The following DNER variants were observed in gnomAD, a reference collection of about 807,000 sequenced individuals.
The protein encoded by DNER is delta and Notch-like epidermal growth factor-related receptor.
A neutral mutation model predicts 78.2 loss-of-function variants in DNER; 33 were observed. The observed-to-expected ratio is 0.42, with a 90% CI of 0.32 to 0.56. The LOEUF (loss-of-function observed/expected upper bound fraction) is 0.56, where lower values mean the gene tolerates loss of function less well. Ranked by LOEUF, DNER falls within the 20% of genes least tolerant of loss-of-function variation. The pLI is 0.11. For synonymous variants in DNER, 417 were observed against 384.8 expected (o/e 1.08, Z -0.98); for missense variants, 918 against 975.3 (o/e 0.94, Z 0.78).
At chr2:229,595,522 T>C (rs1404037508) in intron 1 of DNER, among the ~76,000 whole-genome samples, 1 of 152,176 alleles carries the variant, frequency 6.6e-6, no homozygotes, top group African/African-American at 2.4e-5. Flanking sequence ...CCTCAGGTGA[T>C]CCACCTGCCT....
At chr2:229,501,084 A>G (rs2154211957) in intron 6 of DNER, among the ~76,000 whole-genome samples, 1 of 152,234 alleles carries the variant, frequency 6.6e-6, no homozygotes, top group South Asian at 2.1e-4. Flanking sequence ...ACTCTCAAAT[A>G]GGCAAACTCA....
At chr2:229,475,907 C>A (rs1695025938) in intron 7 of DNER, among the ~76,000 whole-genome samples, 1 of 152,188 alleles carries the variant, frequency 6.6e-6, no homozygotes, top group African/African-American at 2.4e-5. Context: ...TAGGTGGCGA[C>A]TGACTAACCA....
At chr2:229,617,041 C>T (rs1698178393) in intron 1 of DNER, among the ~76,000 whole-genome samples, 1 of 152,180 alleles carries the variant, frequency 6.6e-6, no homozygotes, top group Non-Finnish European at 1.5e-5. Context: ...GGGATTTCAA[C>T]CTTGCATTGA....
chr2:229,525,216 T>C (rs951401155), intron 5 of DNER, among the ~76,000 whole-genome samples: 2 of 152,250 alleles, frequency 1.3e-5, no homozygotes, highest in Non-Finnish European at 2.9e-5. Flanking sequence ...TTCACTTTCC[T>C]AGTCAACCTA....
At chr2:229,633,110 A>T (rs543600142) in intron 1 of DNER, among the ~76,000 whole-genome samples, 29 of 152,354 alleles carry the variant, frequency 1.9e-4, no homozygotes, top group South Asian at 1.0e-3. Context: ...CTTTAATTTC[A>T]TAAGAGAAAA....
At chr2:229,563,409 A>C (rs1326741916) in intron 4 of DNER, among the ~76,000 whole-genome samples, 6 of 124,582 alleles carry the variant, frequency 4.8e-5, no homozygotes, top group African/African-American at 6.3e-5. Context: ...TCATCACCCC[A>C]TCGCCATCAT....
chr2:229,422,834 A>G lies in DNER; in HGVS notation c.1487-4604T>C, dbSNP rs548857777. ...AAGGTCAGACCACATGGGCAGGTGG[A>G]GAACAAAGAGCCAGATCAAGACACT... On this transcript the variant is annotated intron_variant, in intron 8 of 12. Coordinates refer to ENST00000341772, the MANE Select transcript of DNER (RefSeq NM_139072.4). 1.1e-4 allele frequency among the ~76,000 whole-genome samples: 16 copies of G among 152,336 alleles called. No individual in the cohort carries two copies. In the South Asian group the frequency reaches 3.3e-3, roughly 32 times the overall value.
intron 5 of DNER, among the ~76,000 whole-genome samples, chr2:229,517,378 G>C (rs991189668): frequency 1.3e-5 from 2 of 152,198 alleles, no homozygotes; most frequent in African/African-American, 4.8e-5. Context: ...GGGAAAAACG[G>C]AGACAGGGAA....
chr2:229,536,581 A>C (rs943553670), intron 5 of DNER, among the ~76,000 whole-genome samples: 1 of 152,114 alleles, frequency 6.6e-6, no homozygotes, highest in African/African-American at 2.4e-5. Flanking sequence ...GAAAAATAGG[A>C]CAAAGGTATA....
intron 4 of DNER, among the ~76,000 whole-genome samples, 164 bp downstream of exon 4, chr2:229,585,694 T>A (rs1697482875): frequency 6.6e-6 from 1 of 151,972 alleles, no homozygotes; most frequent in Non-Finnish European, 1.5e-5. Flanking sequence ...AAATATTATG[T>A]TAGAATCCAG....
intron 1 of DNER, among the ~76,000 whole-genome samples, chr2:229,653,635 T>A (rs766879663): frequency 6.6e-6 from 1 of 152,188 alleles, no homozygotes; most frequent in Non-Finnish European, 1.5e-5. Flanking sequence ...TGAGAAAATA[T>A]TAACTGGGGC....
intron 9 of DNER, among the ~76,000 whole-genome samples, chr2:229,413,991 G>A (rs1454345858): frequency 6.6e-6 from 1 of 151,648 alleles, no homozygotes; most frequent in Non-Finnish European, 1.5e-5. Context: ...ATATATATTG[G>A]CAAAAATATT....
chr2:229,609,564 G>A (rs189949377), intron 1 of DNER, among the ~76,000 whole-genome samples: 1 of 152,262 alleles, frequency 6.6e-6, no homozygotes, highest in Non-Finnish European at 1.5e-5. Flanking sequence ...TTGCCACAGA[G>A]ACCTTGTAGC....
At chr2:229,447,745 T>C (rs1193095144) in intron 7 of DNER, among the ~76,000 whole-genome samples, 1 of 152,198 alleles carries the variant, frequency 6.6e-6, no homozygotes, top group Non-Finnish European at 1.5e-5. Context: ...AATTCCATTT[T>C]TATTGAAATA....
At chr2:229,611,385 T>C (rs187889413) in intron 1 of DNER, among the ~76,000 whole-genome samples, 1 of 152,316 alleles carries the variant, frequency 6.6e-6, no homozygotes, top group African/African-American at 2.4e-5. Context: ...CTGGCTTACA[T>C]GAAAACAGTT....
intron 8 of DNER, among the ~76,000 whole-genome samples, chr2:229,421,220 G>A (rs757053658): frequency 6.6e-5 from 10 of 152,068 alleles, no homozygotes; most frequent in Non-Finnish European, 1.2e-4. Flanking sequence ...TTTTAAAATA[G>A]TCAAACTCAC....
At chr2:229,515,352 A>C (rs1189233271) in intron 5 of DNER, among the ~76,000 whole-genome samples, 1 of 152,228 alleles carries the variant, frequency 6.6e-6, no homozygotes, top group Non-Finnish European at 1.5e-5. Flanking sequence ...TGTGCATTGG[A>C]AGATTTGTGG....
At chr2:229,382,074 G>C (rs1692750664) in intron 11 of DNER, among the ~76,000 whole-genome samples, 1 of 152,192 alleles carries the variant, frequency 6.6e-6, no homozygotes. Context: ...GAAGGAACAG[G>C]CAGACATCTT....
intron 1 of DNER, among the ~76,000 whole-genome samples, chr2:229,705,333 G>T (rs1699809706): frequency 6.6e-6 from 1 of 152,230 alleles, no homozygotes; most frequent in Admixed American, 6.5e-5. Flanking sequence ...GGAACTGTGA[G>T]CAAAAGATAG....
Sources: allele counts gnomAD v4.1 joint callset (sites outside exome capture counted in the v4.1 genomes callset), GRCh38; gene constraint gnomAD v4.1.1; transcripts MANE v1.5; gene names NCBI Gene and HGNC (gene_info 2026-07-23, HGNC 2026-07-21).